Variants in VPS13B observed in about 807,000 individuals in gnomAD.
VPS13B encodes intermembrane lipid transfer protein VPS13B.
In VPS13B, 285 loss-of-function variants were observed where a neutral mutation model predicts 426.4. The observed-to-expected ratio is 0.67, with a 90% CI of 0.61 to 0.74. The LOEUF (loss-of-function observed/expected upper bound fraction) is 0.74. Ranked by LOEUF, VPS13B falls within the 30% of genes least tolerant of loss-of-function variation. VPS13B has a pLI of 0.00. For missense variants in VPS13B, 4,537 were observed against 4,782.6 expected (o/e 0.95, Z 1.51); for synonymous variants, 1,676 against 1,676.4 (o/e 1.00, Z 0.01).
chr8:99,506,465 T>C (rs944122928), intron 27 of VPS13B, among the ~76,000 whole-genome samples: 1 of 152,236 alleles, frequency 6.6e-6, no homozygotes, highest in African/African-American at 2.4e-5. Flanking sequence ...ATATAAATTA[T>C]AGATATTCAG....
At chr8:99,320,175 A>G (rs1809899229) in intron 19 of VPS13B, among the ~76,000 whole-genome samples, 1 of 152,210 alleles carries the variant, frequency 6.6e-6, no homozygotes, top group South Asian at 2.1e-4. Flanking sequence ...TTAAATAGAA[A>G]TATGATGGTT....
At chr8:99,305,271 A>C (rs1377785126) in intron 19 of VPS13B, among the ~76,000 whole-genome samples, 1 of 152,250 alleles carries the variant, frequency 6.6e-6, no homozygotes, top group East Asian at 1.9e-4. Context: ...GTGGATCAAA[A>C]ATGTTCAGGA....
intron 3 of VPS13B, among the ~76,000 whole-genome samples, chr8:99,066,010 A>G (rs927822260): frequency 6.6e-6 from 1 of 152,258 alleles, no homozygotes; most frequent in Non-Finnish European, 1.5e-5. Context: ...GAGGACACAA[A>G]CAAATGGAAG....
chr8:99,371,343 A>G (rs767370989), intron 19 of VPS13B, among the ~76,000 whole-genome samples: 6 of 152,196 alleles, frequency 3.9e-5, no homozygotes, highest in Non-Finnish European at 8.8e-5. Context: ...TAAATAGGGA[A>G]TCCTTTTCCC....
chr8:99,348,307 A>G (rs964166205), intron 19 of VPS13B: 7 of 152,238 alleles, frequency 4.6e-5, no homozygotes, highest in Non-Finnish European at 7.3e-5. Flanking sequence ...TATGCCTGCC[A>G]TAAGAGTTCT....
chr8:99,858,542 AGGCGTGGT>A (rs977783903), intron 56 of VPS13B, among the ~76,000 whole-genome samples: 10 of 152,152 alleles, frequency 6.6e-5, no homozygotes, highest in African/African-American at 2.4e-4. Flanking sequence ...AAAATCAGCC[AGGCGTGGT>A]GGCATGTGCC....
At chr8:99,078,067 T>G (rs779476427) in intron 3 of VPS13B, among the ~76,000 whole-genome samples, 41 of 152,036 alleles carry the variant, frequency 2.7e-4, no homozygotes, top group Non-Finnish European at 5.1e-4. Flanking sequence ...TTTGAATTTC[T>G]GATTCATGAA....
chr8:99,703,800 C>G (rs557983354), intron 36 of VPS13B, among the ~76,000 whole-genome samples: 5 of 152,180 alleles, frequency 3.3e-5, no homozygotes, highest in Non-Finnish European at 5.9e-5. Flanking sequence ...CTCCCCTTGT[C>G]TGAGTAAATT....
At chr8:99,391,826 C>T in intron 21 of VPS13B, 122 bp downstream of exon 21, 2 of 1,277,856 alleles carry the variant, frequency 1.6e-6, no homozygotes, top group South Asian at 2.6e-5. Flanking sequence ...AGACAAAGAA[C>T]TTTATTATCC....
intron 16 of VPS13B, among the ~76,000 whole-genome samples, chr8:99,182,707 T>C (rs1813008464): frequency 6.6e-6 from 1 of 152,132 alleles, no homozygotes; most frequent in South Asian, 2.1e-4. Context: ...GAGTTACAAA[T>C]ATGTTAAAGA....
intron 30 of VPS13B, among the ~76,000 whole-genome samples, chr8:99,543,221 C>T (rs1179557369): frequency 6.6e-6 from 1 of 152,164 alleles, no homozygotes; most frequent in Non-Finnish European, 1.5e-5. Context: ...AAAGGATTCC[C>T]TATTTAATAA....
At chr8:99,174,769 C>T (rs560260129) in intron 16 of VPS13B, among the ~76,000 whole-genome samples, 21 of 152,156 alleles carry the variant, frequency 1.4e-4, no homozygotes, top group African/African-American at 4.8e-4. Flanking sequence ...CAAGTTATTT[C>T]CCCTCATGGC....
At chr8:99,255,789 T>G (rs1380004674) in intron 17 of VPS13B, among the ~76,000 whole-genome samples, 1 of 152,090 alleles carries the variant, frequency 6.6e-6, no homozygotes, top group Non-Finnish European at 1.5e-5. Flanking sequence ...TGCCGCAGGT[T>G]GGTAAAATTT....
chr8:99,156,536 T>C lies in VPS13B; in HGVS notation c.2014-13T>C, dbSNP rs750760966. 3 of 1,613,516 alleles carry C rather than the reference T, an allele frequency of 1.9e-6. No homozygotes were observed. The East Asian group carries it at 6.7e-5, about 36-fold the overall frequency. ...CACTTTTAAAATATAAAGCGAACAC[T>C]ATTATTTTCTAGAACTCAAGTAACT... On this transcript the variant is annotated splice_polypyrimidine_tract_variant and intron_variant, in intron 14 of 61. Coordinates refer to ENST00000357162, the MANE Select transcript of VPS13B (RefSeq NM_152564.5).
intron 17 of VPS13B, among the ~76,000 whole-genome samples, chr8:99,205,767 G>C (rs1241463368): frequency 6.6e-6 from 1 of 152,050 alleles, no homozygotes; most frequent in East Asian, 1.9e-4. Context: ...ACAATTTAGT[G>C]TTTTTCTTAA....
At chr8:99,790,686 C>A (rs755830323) in intron 43 of VPS13B, among the ~76,000 whole-genome samples, 2 of 152,092 alleles carry the variant, frequency 1.3e-5, no homozygotes, top group Non-Finnish European at 2.9e-5. Flanking sequence ...CCAAATCCAA[C>A]ATGAGGATGG....
chr8:99,525,643 T>C (rs185670683), intron 30 of VPS13B, among the ~76,000 whole-genome samples: 1 of 152,358 alleles, frequency 6.6e-6, no homozygotes, highest in East Asian at 1.9e-4. Context: ...CTATTCTAGA[T>C]ACTGGGTGTA....
intron 43 of VPS13B, among the ~76,000 whole-genome samples, chr8:99,795,804 T>C (rs1294231814): frequency 6.6e-6 from 1 of 152,164 alleles, no homozygotes; most frequent in Admixed American, 6.6e-5. Flanking sequence ...GCTCGAGTAA[T>C]CTCATGACAT....
intron 23 of VPS13B, among the ~76,000 whole-genome samples, chr8:99,459,941 G>GT (rs1818738837): frequency 6.6e-6 from 1 of 152,006 alleles, no homozygotes; most frequent in African/African-American, 2.4e-5. Context: ...TATGGTTGTG[G>GT]TTTAATAGTA....
Sources: allele counts gnomAD v4.1 joint callset (sites outside exome capture counted in the v4.1 genomes callset), GRCh38; gene constraint gnomAD v4.1.1; transcripts MANE v1.5; gene names NCBI Gene and HGNC (gene_info 2026-07-23, HGNC 2026-07-21).